The following MAGI1 variants were observed in gnomAD, a reference collection of about 807,000 sequenced individuals.
The protein encoded by MAGI1 is membrane associated guanylate kinase, WW and PDZ domain containing 1, also known as membrane-associated guanylate kinase, WW and PDZ domain-containing protein 1.
In MAGI1, 58 loss-of-function variants were observed where a neutral mutation model predicts 139.9. That is an observed-to-expected ratio of 0.41 (90% CI 0.34 to 0.52). The LOEUF (loss-of-function observed/expected upper bound fraction) is 0.52, where lower values mean the gene tolerates loss of function less well. MAGI1 is among the 20% of genes least tolerant of loss of function. The probability of loss-of-function intolerance (pLI) is 0.12; values close to 1 mark genes in which losing one functional copy is unlikely to be tolerated. For synonymous variants in MAGI1, 812 were observed against 737.9 expected, an observed-to-expected ratio of 1.10 and a Z score of -1.63; for missense variants, 1,874 against 1,901.6, an observed-to-expected ratio of 0.99 and a Z score of 0.27.
chr3:65,371,228 G>C (rs1484580415), intron 18 of MAGI1, among the ~76,000 whole-genome samples: 1 of 152,110 alleles, frequency 6.6e-6, no homozygotes, highest in Non-Finnish European at 1.5e-5. Flanking sequence ...CATACACAAA[G>C]CATACCTCGG....
At chr3:65,851,122 C>T (rs1157164663) in intron 1 of MAGI1, among the ~76,000 whole-genome samples, 2 of 151,974 alleles carry the variant, frequency 1.3e-5, no homozygotes, top group Admixed American at 1.3e-4. Context: ...AAAAAAAATG[C>T]CTCATTAGAA....
At chr3:65,469,937 A>G (rs2107579323) in intron 5 of MAGI1, 1 of 147,826 alleles carries the variant, frequency 6.8e-6, no homozygotes, top group Admixed American at 6.8e-5. Flanking sequence ...AATATTTATA[A>G]ATATATTTAA....
intron 21 of MAGI1, among the ~76,000 whole-genome samples, chr3:65,363,242 A>G (rs1263262090): frequency 6.6e-6 from 1 of 152,190 alleles, no homozygotes; most frequent in East Asian, 1.9e-4. Flanking sequence ...TTTATTCCCT[A>G]TATCAACCCC....
Position 65,570,116 on chromosome 3 carries a change from ATTC to A in MAGI1, c.430+51853_430+51855del, listed in dbSNP as rs1320289155. ...TATTATTATTATTATTATTATTATT[ATTC>A]TGAGACACAGTCTCACTCGGTTGCC... On this transcript the variant is annotated intron_variant, in intron 2 of 22. Coordinates refer to ENST00000402939, the MANE Select transcript of MAGI1 (RefSeq NM_001033057.2). Among the ~76,000 whole-genome samples the A allele has an allele frequency of 5.0e-3, 658 of 131,608 alleles. 5 individuals are homozygous for A. The highest frequency in any genetic ancestry group is 0.016 in the African/African-American group (592 of 35,976). 86.3% of individuals were successfully genotyped at this position (131,608 alleles called of 152,430 possible).
chr3:66,009,068 C>T (rs889277255), intron 1 of MAGI1: 2 of 152,384 alleles, frequency 1.3e-5, no homozygotes, highest in African/African-American at 2.4e-5. Flanking sequence ...CCACCAACCC[C>T]ACAAGACAAA....
chr3:65,890,606 C>A (rs1025200043), intron 1 of MAGI1, among the ~76,000 whole-genome samples: 2 of 152,208 alleles, frequency 1.3e-5, no homozygotes, highest in African/African-American at 2.4e-5. Context: ...CCACATCCAA[C>A]GCAAACACTT....
At position 65,520,004 on chromosome 3, in the gene MAGI1, G is replaced by A. The variant is rs565387928; in HGVS notation, c.431-26373C>T. ...CTCTTAGAACATAACTGCCTCACTCGGAGAAAGCTGGAGAGACCCACAAGG... is the reference window on the plus strand; with the variant it reads ...CTCTTAGAACATAACTGCCTCACTCAGAGAAAGCTGGAGAGACCCACAAGG... On this transcript the variant is annotated intron_variant, in intron 2 of 22. Coordinates refer to ENST00000402939, the MANE Select transcript of MAGI1 (RefSeq NM_001033057.2). Among the ~76,000 whole-genome samples, 205 of 152,216 alleles carry A rather than the reference G, an allele frequency of 1.3e-3. 1 individual carries two copies. The highest frequency in any genetic ancestry group is 4.6e-3 in the African/African-American group (193 of 41,532).
intron 3 of MAGI1, among the ~76,000 whole-genome samples, chr3:65,486,080 C>T (rs1166646185): frequency 1.3e-5 from 2 of 152,188 alleles, no homozygotes; most frequent in Non-Finnish European, 2.9e-5. Flanking sequence ...TAGACAGTCT[C>T]GCTTTCTTTA....
At chr3:65,881,627 C>CAAA (rs55964561) in intron 1 of MAGI1, among the ~76,000 whole-genome samples, 1 of 137,776 alleles carries the variant, frequency 7.3e-6, no homozygotes, top group Admixed American at 7.3e-5. Flanking sequence ...ACCCCTTCCT[C>CAAA]AAAAAAAAAA....
At position 65,847,211 on chromosome 3, in the gene MAGI1, CAG is replaced by C. The variant is rs148397175; in HGVS notation, c.313+190783_313+190784del. Among the ~76,000 whole-genome samples, 222 of 152,228 alleles carry C rather than the reference CAG, an allele frequency of 1.5e-3. 3 individuals carry two copies. Among genetic ancestry groups the C allele is most frequent in the African/African-American group, 5.2e-3 (218 of 41,544 alleles). On this transcript the variant is annotated intron_variant, in intron 1 of 22. Coordinates refer to ENST00000402939, the MANE Select transcript of MAGI1 (RefSeq NM_001033057.2). ...AGCATGACAAATCACAAATCAGAGA[CAG>C]AGTCTTCTACATGAGGATTTAAAGC...
chr3:65,656,124 T>A (rs1381498422), intron 1 of MAGI1, among the ~76,000 whole-genome samples: 1 of 151,868 alleles, frequency 6.6e-6, no homozygotes, highest in Non-Finnish European at 1.5e-5. Flanking sequence ...AAGTCTGCAA[T>A]GGGGACAGAA....
intron 1 of MAGI1, among the ~76,000 whole-genome samples, chr3:66,012,120 C>G (rs954652218): frequency 2.0e-5 from 3 of 152,020 alleles, no homozygotes; most frequent in Non-Finnish European, 4.4e-5. Flanking sequence ...TTACATCCTT[C>G]AAATTCAAAA....
intron 6 of MAGI1, among the ~76,000 whole-genome samples, chr3:65,451,051 G>C (rs1949004415): frequency 6.6e-6 from 1 of 152,064 alleles, no homozygotes; most frequent in Admixed American, 6.6e-5. Flanking sequence ...TAATATTAAA[G>C]AGATAATTAT....
chr3:65,456,399 G>C (rs1359997497), intron 5 of MAGI1, among the ~76,000 whole-genome samples: 10 of 151,290 alleles, frequency 6.6e-5, no homozygotes, highest in Non-Finnish European at 1.3e-4. Flanking sequence ...TTTCACTCCG[G>C]AGTTTTGAGA....
intron 2 of MAGI1, among the ~76,000 whole-genome samples, chr3:65,551,883 G>A (rs1306446533): frequency 2.0e-5 from 3 of 152,190 alleles, no homozygotes; most frequent in Admixed American, 2.0e-4. Flanking sequence ...GGAGCAATTT[G>A]ACATGAGAGG....
chr3:65,569,433 T>G (rs1980333), intron 2 of MAGI1, among the ~76,000 whole-genome samples: 59,860 of 151,988 alleles, frequency 0.39, 13,140 homozygotes, highest in East Asian at 0.69. Flanking sequence ...ATGGTAAATT[T>G]TTGTTATGTA....
chr3:65,392,133 G>A (rs1438813005), intron 13 of MAGI1, among the ~76,000 whole-genome samples: 3 of 152,074 alleles, frequency 2.0e-5, no homozygotes, highest in African/African-American at 7.2e-5. Flanking sequence ...ATATTCAAAG[G>A]GGAAGAGTTC....
intron 1 of MAGI1, among the ~76,000 whole-genome samples, chr3:65,714,923 T>C (rs943668637): frequency 3.9e-5 from 6 of 152,050 alleles, no homozygotes; most frequent in African/African-American, 1.4e-4. Context: ...GATGGTGTCT[T>C]GCTCTCCCCG....
rs990564699 is a variant in MAGI1, at chr3:65,400,486, C to T, written c.2199+953G>A. ...TGGCACGAGGCTGTACATTTTCCCT[C>T]CCCCAAATCTTCTAAACCACATGGA... On this transcript the variant is annotated intron_variant, in intron 13 of 22. Transcript: ENST00000402939. 2.0e-5 allele frequency among the ~76,000 whole-genome samples: 3 copies of T among 152,110 alleles called. 1 individual carries two copies. The highest frequency in any genetic ancestry group is 4.4e-5 in the Non-Finnish European group (3 of 68,028).
Sources: allele counts gnomAD v4.1 joint callset (sites outside exome capture counted in the v4.1 genomes callset), GRCh38; gene constraint gnomAD v4.1.1; transcripts MANE v1.5; gene names NCBI Gene and HGNC (gene_info 2026-07-23, HGNC 2026-07-21).